The following SHROOM4 variants were observed in gnomAD, a reference collection of about 807,000 sequenced individuals.
The protein encoded by SHROOM4 is protein Shroom4.
SHROOM4 carries 17 observed loss-of-function variants against 80.3 expected under a neutral mutation model. The ratio of observed to expected loss-of-function variants is 0.21; its 90% CI spans 0.14 to 0.32. The LOEUF (loss-of-function observed/expected upper bound fraction) is 0.32. Among genes scored for constraint, SHROOM4 ranks in the 10% least tolerant of loss-of-function variants. The pLI is 1.00. For synonymous variants in SHROOM4, 400 were observed against 437.5 expected (o/e 0.91, Z 1.07); for missense variants, 993 against 1,140.3 (o/e 0.87, Z 1.86).
chrX:50,601,622 G>C (rs532664050), intron 7 of SHROOM4, among the ~76,000 whole-genome samples: 6 of 112,211 alleles, frequency 5.3e-5, no homozygotes, highest in Admixed American at 3.8e-4. Flanking sequence ...GGAGGGGAAA[G>C]TGATTCCAAG....
chrX:50,701,119 C>A (rs1933503956), intron 1 of SHROOM4, among the ~76,000 whole-genome samples: 1 of 112,029 alleles, frequency 8.9e-6, no homozygotes, highest in South Asian at 3.8e-4. Context: ...TAATCACCAT[C>A]TAGTTTACTA....
rs1557249589 is a variant in SHROOM4 at position 50,610,352 on chromosome X, TCA to T, written c.2958-2170_2958-2169del. Among the ~76,000 whole-genome samples, 646 of 91,029 alleles carry T rather than the reference TCA, an allele frequency of 7.1e-3. 5 individuals are homozygous for T. The highest frequency in any genetic ancestry group is 0.021 in the African/African-American group (458 of 21,837). 79.0% of individuals were successfully genotyped at this position (91,029 alleles called of 115,157 possible). A position where few individuals can be genotyped will look rare whatever the true frequency, so the allele number is the denominator to read the frequency against. ...GGCATATTCTCTCTCTCTCTCTCTC[TCA>T]CACACACACACACACACACACACAC... On this transcript the variant is annotated intron_variant, in intron 5 of 8. Transcript: ENST00000376020.
intron 1 of SHROOM4, among the ~76,000 whole-genome samples, chrX:50,713,984 A>G (rs190547437): frequency 2.7e-4 from 30 of 111,689 alleles, no homozygotes; most frequent in African/African-American, 7.8e-4. Context: ...TCTTGATTTG[A>G]TTTTTTTATA....
At position 50,768,210 on chromosome X, in the gene SHROOM4, C is replaced by T. The variant is rs146263197; in HGVS notation, c.117+45692G>A. 4.2e-3 allele frequency among the ~76,000 whole-genome samples: 471 copies of T among 111,954 alleles called. 3 individuals are homozygous for T. Among genetic ancestry groups the T allele is most frequent in the African/African-American group, 0.014 (438 of 30,814 alleles). The stretch of plus-strand genomic sequence containing the variant: ...CCCCAGATATAGAGGCTAATATAAA[C>T]ATATTAGAGCCTTTTTGTGAAAGAC... On this transcript the variant is annotated intron_variant, in intron 1 of 8. Coordinates refer to ENST00000376020, the MANE Select transcript of SHROOM4 (RefSeq NM_020717.5).
chrX:50,777,790 G>A (rs73483780), intron 1 of SHROOM4, among the ~76,000 whole-genome samples: 6,288 of 112,057 alleles, frequency 0.056, 441 homozygotes, highest in African/African-American at 0.19. Flanking sequence ...TCTCATAAAT[G>A]GTTGAAGTTG....
chrX:50,787,569 G>T (rs1436120675), intron 1 of SHROOM4, among the ~76,000 whole-genome samples: 1 of 111,265 alleles, frequency 9.0e-6, no homozygotes, highest in Admixed American at 9.6e-5. Context: ...AGGCTCAATA[G>T]ATGGCAAATA....
At chrX:50,637,552 C>T (rs1557256344) in intron 3 of SHROOM4, among the ~76,000 whole-genome samples, 1 of 112,590 alleles carries the variant, frequency 8.9e-6, no homozygotes, top group Non-Finnish European at 1.9e-5. Flanking sequence ...ATAAAGTCAC[C>T]GAATTGGGGT....
intron 1 of SHROOM4, among the ~76,000 whole-genome samples, chrX:50,800,553 G>A (rs1465024724): frequency 4.5e-5 from 5 of 111,325 alleles, no homozygotes; most frequent in Non-Finnish European, 9.4e-5. Flanking sequence ...TAGGTCCTAT[G>A]GAGAGGGCCA....
chrX:50,797,306 TTAAA>T (rs1936036438), intron 1 of SHROOM4, among the ~76,000 whole-genome samples: 2 of 111,852 alleles, frequency 1.8e-5, no homozygotes, highest in African/African-American at 3.2e-5. Flanking sequence ...TAAGAACTGT[TTAAA>T]TAATTAAATA....
chrX:50,690,181 T>C (rs1419571849), intron 2 of SHROOM4, among the ~76,000 whole-genome samples: 1 of 112,156 alleles, frequency 8.9e-6, no homozygotes, highest in Non-Finnish European at 1.9e-5. Flanking sequence ...TTCTCAATAA[T>C]TTCTGGCATT....
At chrX:50,713,891 A>C (rs1557264606) in intron 1 of SHROOM4, among the ~76,000 whole-genome samples, 1 of 112,008 alleles carries the variant, frequency 8.9e-6, no homozygotes, top group African/African-American at 3.2e-5. Flanking sequence ...ATCTTTGCCC[A>C]GACCAATGTC....
intron 2 of SHROOM4, among the ~76,000 whole-genome samples, chrX:50,656,297 C>G (rs1020363767): frequency 4.5e-5 from 5 of 111,978 alleles, no homozygotes; most frequent in African/African-American, 1.6e-4. Context: ...GTTGCCTGTG[C>G]TTTTAGGGCC....
At chrX:50,806,741 C>T (rs1936235078) in intron 1 of SHROOM4, among the ~76,000 whole-genome samples, 1 of 111,805 alleles carries the variant, frequency 8.9e-6, no homozygotes, top group Admixed American at 9.5e-5. Flanking sequence ...CCTGGAATTC[C>T]GTTTCAGAGG....
chrX:50,760,511 A>G (rs1444952472), intron 1 of SHROOM4, among the ~76,000 whole-genome samples: 1 of 108,712 alleles, frequency 9.2e-6, no homozygotes, highest in Non-Finnish European at 1.9e-5. Context: ...CTAATTTTCT[A>G]TCTTTCTTTA....
At chrX:50,750,145 A>T (rs1280915182) in intron 1 of SHROOM4, among the ~76,000 whole-genome samples, 1 of 112,140 alleles carries the variant, frequency 8.9e-6, no homozygotes, top group Admixed American at 9.4e-5. Flanking sequence ...CTTACCATGA[A>T]ATCCTGAGAC....
intron 2 of SHROOM4, among the ~76,000 whole-genome samples, chrX:50,663,849 T>A (rs1392909070): frequency 9.0e-6 from 1 of 111,634 alleles, no homozygotes; most frequent in African/African-American, 3.3e-5. Context: ...TGCCTATGTA[T>A]GTCTTATCTC....
intron 1 of SHROOM4, among the ~76,000 whole-genome samples, chrX:50,769,165 G>A (rs1307152378): frequency 1.8e-5 from 2 of 108,627 alleles, no homozygotes; most frequent in Non-Finnish European, 3.8e-5. Context: ...AAGAGGAAAG[G>A]AAGGGGAGAG....
At chrX:50,602,911 C>T in intron 6 of SHROOM4, 98 bp from the exon 7 acceptor site, 2 of 857,116 alleles carry the variant, frequency 2.3e-6, no homozygotes, top group South Asian at 4.4e-5. Flanking sequence ...AACCCTGCTT[C>T]ACCAAGGAGT....
At chrX:50,749,219 A>T (rs1934851993) in intron 1 of SHROOM4, among the ~76,000 whole-genome samples, 1 of 111,857 alleles carries the variant, frequency 8.9e-6, no homozygotes. Context: ...GTCAAAAAAC[A>T]ATACAAATAA....
Sources: gnomAD v4.1 joint callset for allele counts (sites outside exome capture counted in the v4.1 genomes callset) on GRCh38, gnomAD v4.1.1 for gene constraint, MANE v1.5 for transcripts, NCBI Gene and HGNC (gene_info 2026-07-23, HGNC 2026-07-21) for gene names.